The following FGF14 variants were observed in gnomAD, a reference collection of about 807,000 sequenced individuals.
FGF14 encodes the protein fibroblast growth factor homologous factor 4.
In FGF14, 5 loss-of-function variants were observed where a neutral mutation model predicts 25.5. The ratio of observed to expected loss-of-function variants is 0.20; its 90% CI spans 0.10 to 0.41. The LOEUF (loss-of-function observed/expected upper bound fraction) is 0.41. FGF14 is among the 10% of genes least tolerant of loss of function. The pLI is 1.00. For missense variants in FGF14, 222 were observed against 320.1 expected (o/e 0.69, Z 2.34); for synonymous variants, 138 against 118.3 (o/e 1.17, Z -1.08).
In FGF14 at chr13:101,799,614, G is replaced by T. The variant is rs528134025; in HGVS notation, c.408+69111C>A. 1.3e-5 allele frequency among the ~76,000 whole-genome samples: 2 copies of T among 152,162 alleles called. 1 individual carries two copies. The highest frequency in any genetic ancestry group is 4.1e-4 in the South Asian group (2 of 4,820). Reference sequence around the variant, plus strand: ...AAATTGATAAATATATAGTATGCACGTATTAGTCTGCAATAGTCATTACTG... The same window carrying T: ...AAATTGATAAATATATAGTATGCACTTATTAGTCTGCAATAGTCATTACTG... On this transcript the variant is annotated intron_variant, in intron 3 of 4. Coordinates refer to ENST00000376143, the MANE Select transcript of FGF14 (RefSeq NM_004115.4).
chr13:102,248,450 T>G (rs566235167), intron 1 of FGF14, among the ~76,000 whole-genome samples: 1 of 152,290 alleles, frequency 6.6e-6, no homozygotes, highest in African/African-American at 2.4e-5. Flanking sequence ...TTAGAGTACA[T>G]ATATCTTATT....
intron 1 of FGF14, among the ~76,000 whole-genome samples, chr13:102,389,549 T>C (rs74112340): frequency 0.041 from 6,224 of 152,256 alleles, 385 homozygotes; most frequent in African/African-American, 0.13. Flanking sequence ...TGCAAAAATA[T>C]TTGCATAACA....
chr13:101,841,003 A>G (rs1010864241), intron 3 of FGF14, among the ~76,000 whole-genome samples: 9 of 151,954 alleles, frequency 5.9e-5, no homozygotes, highest in African/African-American at 1.9e-4. Flanking sequence ...GCTTAAGTGG[A>G]AAAGTCCTCC....
rs148939156 is a variant in FGF14 at position 102,368,631 on chromosome 13, G to A, written c.208+32840C>T. On this transcript the variant is annotated intron_variant, in intron 1 of 4. Coordinates refer to the FGF14 transcript ENST00000376131. ...CCTACTTAAGACATTGAATGCAGCTGCATGACAGAAATGATAATAGCTTAA... is the reference window on the plus strand; with the variant it reads ...CCTACTTAAGACATTGAATGCAGCTACATGACAGAAATGATAATAGCTTAA... 8.1e-4 allele frequency among the ~76,000 whole-genome samples: 124 copies of A among 152,238 alleles called. No homozygotes were observed. In the Middle Eastern group the frequency reaches 0.02, roughly 25 times the overall value.
intron 1 of FGF14, among the ~76,000 whole-genome samples, chr13:101,957,282 G>A (rs1357689764): frequency 1.3e-5 from 2 of 152,036 alleles, no homozygotes; most frequent in African/African-American, 4.8e-5. Context: ...AAAAAAGTAA[G>A]TAAATTTACT....
chr13:101,805,906 T>C (rs1005050753), intron 3 of FGF14, among the ~76,000 whole-genome samples: 1 of 151,962 alleles, frequency 6.6e-6, no homozygotes, highest in Non-Finnish European at 1.5e-5. Flanking sequence ...AATTCATCAG[T>C]TTTTATTAGT....
chr13:102,008,921 G>A (rs1401567477), intron 1 of FGF14, among the ~76,000 whole-genome samples: 1 of 151,980 alleles, frequency 6.6e-6, no homozygotes, highest in Non-Finnish European at 1.5e-5. Context: ...TTCTAAATCT[G>A]TATTATATCC....
chr13:101,793,337 G>A (rs971041419), intron 3 of FGF14, among the ~76,000 whole-genome samples: 1 of 152,120 alleles, frequency 6.6e-6, no homozygotes, highest in Non-Finnish European at 1.5e-5. Flanking sequence ...GTATTTGTCT[G>A]TGTTTGGCTT....
intron 1 of FGF14, among the ~76,000 whole-genome samples, chr13:101,998,407 A>G (rs1009448331): frequency 6.6e-6 from 1 of 152,200 alleles, no homozygotes; most frequent in African/African-American, 2.4e-5. Context: ...GGATCATGTT[A>G]TTTGTCATAC....
rs932132048 is a variant in FGF14 at position 101,716,500 on chromosome 13, G to T, written c.*6331C>A. On this transcript the variant is annotated 3_prime_UTR_variant, in exon 5 of 5. Transcript: ENST00000376143. ...AATTAAAAATGAATTGTTATTCAGG[G>T]ATATCTATTTTAGGTTTCTAGAAAT... 6.6e-6 allele frequency: 1 copy of T among 152,076 alleles called. No individual in the cohort carries two copies. The highest frequency in any genetic ancestry group is 1.5e-5 in the Non-Finnish European group (1 of 68,014). The allele number at this position is 152,076 out of a possible 1,614,324, so 9.4% of individuals were successfully genotyped here. A position where few individuals can be genotyped will look rare whatever the true frequency, so the allele number is the denominator to read the frequency against.
intron 1 of FGF14, among the ~76,000 whole-genome samples, chr13:102,363,592 A>C (rs2057627851): frequency 6.6e-6 from 1 of 152,202 alleles, no homozygotes; most frequent in South Asian, 2.1e-4. Context: ...TTCCCATAGC[A>C]GGATTCTGCC....
rs1300920106 is a variant in FGF14, at chr13:102,186,143, T to C, written c.208+215328A>G. ...ATATATATGATTCAATAACTAAAGC[T>C]GATAGTTTACAAAACAGAAAGCAGC... On this transcript the variant is annotated intron_variant, in intron 1 of 4. Transcript: ENST00000376131. 3.9e-5 allele frequency among the ~76,000 whole-genome samples: 6 copies of C among 152,084 alleles called. No individual in the cohort carries two copies. The South Asian group carries it at 1.0e-3, about 26-fold the overall frequency.
intron 1 of FGF14, among the ~76,000 whole-genome samples, chr13:102,235,457 T>C (rs2051285747): frequency 6.6e-6 from 1 of 152,176 alleles, no homozygotes; most frequent in Non-Finnish European, 1.5e-5. Flanking sequence ...TGGGAACTTG[T>C]TTGAGGTAGA....
intron 1 of FGF14, among the ~76,000 whole-genome samples, chr13:102,373,868 T>A (rs1420387108): frequency 6.6e-6 from 1 of 151,866 alleles, no homozygotes; most frequent in South Asian, 2.1e-4. Context: ...ACCTATGGGG[T>A]TCTAAAAAAA....
intron 1 of FGF14, among the ~76,000 whole-genome samples, chr13:102,241,149 G>A (rs2051576983): frequency 6.6e-6 from 1 of 152,066 alleles, no homozygotes; most frequent in Non-Finnish European, 1.5e-5. Context: ...TTTGATCATT[G>A]TAGAGAAAGG....
At chr13:102,290,845 C>G (rs564176225) in intron 1 of FGF14, among the ~76,000 whole-genome samples, 4 of 152,266 alleles carry the variant, frequency 2.6e-5, no homozygotes, top group African/African-American at 9.6e-5. Flanking sequence ...TGTCACCAGC[C>G]CTTGCCACAG....
At chr13:101,872,465 A>G (rs1166288201) in intron 2 of FGF14, among the ~76,000 whole-genome samples, 1 of 151,854 alleles carries the variant, frequency 6.6e-6, no homozygotes, top group Non-Finnish European at 1.5e-5. Flanking sequence ...CAGCCTTTCT[A>G]AAGCACATTC....
At chr13:102,025,590 G>T (rs980748647) in intron 1 of FGF14, among the ~76,000 whole-genome samples, 1 of 151,854 alleles carries the variant, frequency 6.6e-6, no homozygotes, top group East Asian at 2.0e-4. Flanking sequence ...TGTATTTTCA[G>T]TAGAGTCAGG....
At chr13:102,351,041 C>T (rs1451067619) in intron 1 of FGF14, among the ~76,000 whole-genome samples, 1 of 152,124 alleles carries the variant, frequency 6.6e-6, no homozygotes, top group Admixed American at 6.5e-5. Flanking sequence ...CTGCTTCTCA[C>T]CACTAACTGC....
Sources: allele counts gnomAD v4.1 joint callset (sites outside exome capture counted in the v4.1 genomes callset), GRCh38; gene constraint gnomAD v4.1.1; transcripts MANE v1.5; gene names NCBI Gene and HGNC (gene_info 2026-07-23, HGNC 2026-07-21).